ZSCAN5A: variants seen among roughly 807,000 people sequenced by gnomAD.
ZSCAN5A encodes zinc finger and SCAN domain-containing protein 5A.
ZSCAN5A carries 12 observed loss-of-function variants against 23.7 expected under a neutral mutation model. The ratio of observed to expected loss-of-function variants is 0.51; its 90% CI spans 0.32 to 0.82. The LOEUF is 0.82. Among genes scored for constraint, ZSCAN5A ranks in the 40% least tolerant of loss-of-function variants. The pLI is 0.03. For missense variants in ZSCAN5A, 597 were observed against 617.9 expected, an observed-to-expected ratio of 0.97 and a Z score of 0.36; for synonymous variants, 257 against 239.9, an observed-to-expected ratio of 1.07 and a Z score of -0.66.
At position 56,225,175 on chromosome 19, in the gene ZSCAN5A, TG is replaced by T; in HGVS notation, c.-127-3del. 1 of 1,379,162 alleles carries T rather than the reference TG, an allele frequency of 7.3e-7. No homozygotes were observed. Among genetic ancestry groups the T allele is most frequent in the South Asian group, 1.5e-5 (1 of 64,960 alleles). The allele number at this position is 1,379,162 out of a possible 1,614,324, so 85.4% of individuals were successfully genotyped here. A position where few individuals can be genotyped will look rare whatever the true frequency, so the allele number is the denominator to read the frequency against. The stretch of plus-strand genomic sequence containing the variant: ...TAGATTCACTGTTCATTCAGAAGTC[TG>T]GGGGGGAAAAGTATGAGCCTCATTA... On this transcript the variant is annotated splice_polypyrimidine_tract_variant and splice_region_variant and intron_variant, in intron 2 of 5. Transcript: ENST00000683990.
intron 1 of ZSCAN5A, among the ~76,000 whole-genome samples, chr19:56,313,958 A>G (rs550591746): frequency 6.6e-6 from 1 of 152,300 alleles, no homozygotes; most frequent in South Asian, 2.1e-4. Flanking sequence ...TTCAGCCCCC[A>G]GGGGACATTT....
At chr19:56,264,276 G>A (rs947605543) in intron 2 of ZSCAN5A, among the ~76,000 whole-genome samples, 4 of 152,194 alleles carry the variant, frequency 2.6e-5, no homozygotes, top group African/African-American at 9.7e-5. Context: ...TTACAGGCAT[G>A]AGCCAGCACA....
intron 2 of ZSCAN5A, among the ~76,000 whole-genome samples, chr19:56,322,469 C>T (rs1397855021): frequency 1.3e-5 from 2 of 152,230 alleles, no homozygotes; most frequent in African/African-American, 2.4e-5. Flanking sequence ...CCTGGCTTTA[C>T]ACTTCACCAG....
At chr19:56,272,898 G>A (rs970448561) in intron 2 of ZSCAN5A, 1 of 985,400 alleles carries the variant, frequency 1.0e-6, no homozygotes, top group Non-Finnish European at 1.2e-6. Flanking sequence ...GGGATTGGCA[G>A]AAGCCTGTAC....
Position 56,244,171 on chromosome 19 carries a change from T to G in ZSCAN5A, c.-127-18998A>C, listed in dbSNP as rs560753080. On this transcript the variant is annotated intron_variant, in intron 2 of 5. Coordinates refer to ENST00000683990, the MANE Select transcript of ZSCAN5A (RefSeq NM_001322064.3). ...ATCATGACTGGGACCCTGAGACTTG[T>G]CACGTGAACTTCAGGATGTTCAGCT... is the stretch of plus-strand genomic sequence containing the variant. The G allele has an allele frequency of 1.4e-4, 223 of 1,611,368 alleles. 2 individuals carry two copies. The highest frequency in any genetic ancestry group is 2.3e-4 in the African/African-American group (17 of 74,956).
rs2033189516 is a variant in ZSCAN5A at position 56,221,699 on chromosome 19, T to G, written c.1367A>C (p.Lys456Thr). The change falls in exon 6 of 6, where the codon AAG becomes ACG. Residue 456 changes from lysine (K) to threonine (T), a missense_variant. By Grantham distance (78) the Lys-to-Thr change is moderately conservative. Around this residue, in one of 5 missense-constraint regions of ZSCAN5A, gnomAD observed 87 missense variants for 74.4 expected, o/e 1.17. Coordinates refer to ENST00000683990, the MANE Select transcript of ZSCAN5A (RefSeq NM_001322064.3). ...TCCGGAGTGGATGCGCTGGTGCTCC[T>G]TCAGGCTCCCCCTGTAGGTGAAAAC... ...KKVFTYRGSL[K>T]EHQRIHSGEK... 1 of 1,614,242 alleles carries G rather than the reference T, an allele frequency of 6.2e-7. No individual in the cohort carries two copies. The highest frequency in any genetic ancestry group is 8.5e-7 in the Non-Finnish European group (1 of 1,180,048).
At chr19:56,263,490 G>A (rs2037259963) in intron 2 of ZSCAN5A, 2 of 152,186 alleles carry the variant, frequency 1.3e-5, no homozygotes, top group African/African-American at 4.8e-5. Context: ...AGGGCATTAA[G>A]GAATCCTGCA....
intron 2 of ZSCAN5A, among the ~76,000 whole-genome samples, chr19:56,293,470 T>C (rs1451787400): frequency 6.6e-6 from 1 of 152,220 alleles, no homozygotes; most frequent in African/African-American, 2.4e-5. Flanking sequence ...TTGTATATAT[T>C]GTAAGGAAGA....
In ZSCAN5A at chr19:56,319,952, T is replaced by G. The variant is rs1000727024; in HGVS notation, c.-357-3684A>C. ...TCCATTTTTATTCAAATCGACTTCA[T>G]TTAGAATTTCATGGAGTGTATTTTC... On this transcript the variant is annotated intron_variant, in intron 2 of 6. Coordinates refer to the ZSCAN5A transcript ENST00000587340. 1.1e-5 allele frequency: 14 copies of G among 1,296,090 alleles called. No homozygotes were observed. In the African/African-American group the frequency reaches 1.4e-4, roughly 13 times the overall value. The allele number at this position is 1,296,090 out of a possible 1,614,324, so 80.3% of individuals were successfully genotyped here. A position where few individuals can be genotyped will look rare whatever the true frequency, so the allele number is the denominator to read the frequency against.
At chr19:56,356,631 T>G (rs1352235419) in intron 2 of ZSCAN5A, among the ~76,000 whole-genome samples, 1 of 148,620 alleles carries the variant, frequency 6.7e-6, no homozygotes, top group African/African-American at 2.5e-5. Context: ...ATTGTAAAAT[T>G]CATTAATTTC....
chr19:56,231,996 C>CTTTTTTT lies in ZSCAN5A; in HGVS notation c.-127-6830_-127-6824dup, dbSNP rs59525392. On this transcript the variant is annotated intron_variant, in intron 2 of 5. Coordinates refer to ENST00000683990, the MANE Select transcript of ZSCAN5A (RefSeq NM_001322064.3). Reference sequence around the variant, plus strand: ...TCTTTTTTCTTTCTTTTTTTCTTTTCTTTTTTTTTGAGACAGTGTCTTGCT... The same window carrying CTTTTTTT: ...TCTTTTTTCTTTCTTTTTTTCTTTTCTTTTTTTTTTTTTTTTGAGACAGTGTCTTGCT... Among the ~76,000 whole-genome samples, 7 of 124,986 alleles carry CTTTTTTT rather than the reference C, an allele frequency of 5.6e-5. 2 individuals are homozygous for CTTTTTTT. Among genetic ancestry groups the CTTTTTTT allele is most frequent in the Non-Finnish European group, 9.8e-5 (6 of 60,936 alleles). The allele number at this position is 124,986 out of a possible 152,430, so 82.0% of individuals were successfully genotyped here.
chr19:56,342,470 G>T, intron 2 of ZSCAN5A: 1 of 401,540 alleles, frequency 2.5e-6, no homozygotes, highest in South Asian at 2.4e-5. Context: ...AATTTTCATA[G>T]GCAAATTCTG....
Position 56,322,897 on chromosome 19 carries a change from T to C in ZSCAN5A, c.-357-6629A>G, listed in dbSNP as rs867975180. 9.9e-3 allele frequency among the ~76,000 whole-genome samples: 1,437 copies of C among 144,700 alleles called. 19 individuals carry two copies. The highest frequency in any genetic ancestry group is 0.034 in the African/African-American group (1,341 of 38,992). 94.9% of individuals were successfully genotyped at this position (144,700 alleles called of 152,430 possible). ...AGTATTATTTTTATTGGTTTCTTTT[T>C]TTTTTTTTTTTTTTTGAGACAGAGT... On this transcript the variant is annotated intron_variant, in intron 2 of 6. Transcript: ENST00000587340.
At chr19:56,330,294 T>C (rs1323017463) in intron 2 of ZSCAN5A, among the ~76,000 whole-genome samples, 1 of 152,246 alleles carries the variant, frequency 6.6e-6, no homozygotes, top group Non-Finnish European at 1.5e-5. Context: ...GCAATGAACA[T>C]ATGGGTGCAT....
chr19:56,302,312 C>T (rs115890393), intron 2 of ZSCAN5A, among the ~76,000 whole-genome samples: 4,177 of 108,126 alleles, frequency 0.039, 207 homozygotes, highest in African/African-American at 0.11. Context: ...CCTCTTTTCT[C>T]CCTCCCTCCC....
chr19:56,276,819 G>A (rs1942806579), intron 2 of ZSCAN5A, among the ~76,000 whole-genome samples: 1 of 152,030 alleles, frequency 6.6e-6, no homozygotes, highest in Admixed American at 6.5e-5. Context: ...TTACAGGTGT[G>A]AGCCACTGTG....
intron 2 of ZSCAN5A, among the ~76,000 whole-genome samples, chr19:56,272,594 A>G (rs1348933053): frequency 6.6e-6 from 1 of 152,240 alleles, no homozygotes; most frequent in Non-Finnish European, 1.5e-5. Context: ...ATAGGATGAC[A>G]AGCATCACAC....
chr19:56,247,008 A>T, intron 2 of ZSCAN5A: 1 of 1,128,890 alleles, frequency 8.9e-7, no homozygotes, highest in South Asian at 1.3e-5. Flanking sequence ...CAGGCCCTGC[A>T]GGTGCAGTCA....
chr19:56,254,421 A>T (rs148382617), intron 2 of ZSCAN5A, among the ~76,000 whole-genome samples: 2,001 of 152,304 alleles, frequency 0.013, 22 homozygotes, highest in Non-Finnish European at 0.022. Flanking sequence ...AGGTCTTTGT[A>T]GCATGTGTCA....
Sources: gnomAD v4.1 joint callset for allele counts (sites outside exome capture counted in the v4.1 genomes callset) on GRCh38, gnomAD v4.1.1 for gene constraint, gnomAD v4.1.1 regional missense constraint, MANE v1.5 for transcripts, NCBI Gene and HGNC (gene_info 2026-07-23, HGNC 2026-07-21) for gene names.